The following SETBP1 variants were observed in gnomAD, a reference collection of about 807,000 sequenced individuals.
The protein encoded by SETBP1 is SET binding protein 1, also known as SET-binding protein.
SETBP1 carries 9 observed loss-of-function variants against 101.0 expected under a neutral mutation model. The ratio of observed to expected loss-of-function variants is 0.09; its 90% confidence interval spans 0.05 to 0.16. The LOEUF is 0.16. SETBP1 is among the 10% of genes least tolerant of loss of function. SETBP1 has a pLI of 1.00. For missense variants in SETBP1, 1,858 were observed against 2,033.8 expected (o/e 0.91, Z 1.66); for synonymous variants, 818 against 788.5 (o/e 1.04, Z -0.63).
chr18:44,752,301 G>A (rs28413890), intron 2 of SETBP1, among the ~76,000 whole-genome samples: 30,910 of 152,146 alleles, frequency 0.2, 3,291 homozygotes, highest in Non-Finnish European at 0.24. Context: ...GGTGGTCAGT[G>A]CTGGGATGAG....
chr18:44,723,127 C>T (rs903610017), intron 2 of SETBP1, among the ~76,000 whole-genome samples: 4 of 152,102 alleles, frequency 2.6e-5, no homozygotes, highest in African/African-American at 9.7e-5. Context: ...GAACACTAGG[C>T]ATAACTGGGT....
At chr18:44,817,838 G>A (rs1198045841) in intron 2 of SETBP1, among the ~76,000 whole-genome samples, 2 of 152,170 alleles carry the variant, frequency 1.3e-5, no homozygotes, top group African/African-American at 4.8e-5. Context: ...CACCATGACT[G>A]CACTTTCCAA....
At chr18:44,995,180 T>C (rs958613156) in intron 4 of SETBP1, among the ~76,000 whole-genome samples, 33 of 144,038 alleles carry the variant, frequency 2.3e-4, no homozygotes, top group South Asian at 4.4e-4. Context: ...CTTGCTCTGT[T>C]GCCCAGGCTG....
chr18:44,684,999 C>A (rs1356757281), intron 1 of SETBP1, among the ~76,000 whole-genome samples: 1 of 152,166 alleles, frequency 6.6e-6, no homozygotes, highest in Non-Finnish European at 1.5e-5. Context: ...CAGTTGACTT[C>A]CTACCCTGTT....
intron 2 of SETBP1, among the ~76,000 whole-genome samples, chr18:44,786,993 G>T (rs1478668661): frequency 6.6e-6 from 1 of 152,240 alleles, no homozygotes; most frequent in Non-Finnish European, 1.5e-5. Context: ...GATGCTTTGG[G>T]TATCAAGAAG....
At chr18:44,747,788 G>A (rs911688931) in intron 2 of SETBP1, among the ~76,000 whole-genome samples, 1 of 152,246 alleles carries the variant, frequency 6.6e-6, no homozygotes, top group African/African-American at 2.4e-5. Context: ...GCAGTAGGAT[G>A]TCTCAAAGCC....
intron 2 of SETBP1, among the ~76,000 whole-genome samples, chr18:44,787,861 A>AAAAAAAAAAAAAAAAAG (rs2071275662): frequency 1.4e-5 from 1 of 70,822 alleles, no homozygotes; most frequent in Non-Finnish European, 2.7e-5. Context: ...AGTCCGTCTC[A>AAAAAAAAAAAAAAAAAG]AAAAAAAAAA....
chr18:44,686,807 T>C (rs558671257), intron 1 of SETBP1, among the ~76,000 whole-genome samples: 1 of 152,312 alleles, frequency 6.6e-6, no homozygotes, highest in African/African-American at 2.4e-5. Context: ...TCGGGGGTAA[T>C]CACCCAAAAG....
intron 2 of SETBP1, among the ~76,000 whole-genome samples, chr18:44,866,484 T>C (rs1035482401): frequency 8.5e-5 from 13 of 152,210 alleles, no homozygotes; most frequent in African/African-American, 2.9e-4. Context: ...CTCAACACAT[T>C]GAGATATGCA....
chr18:45,023,376 A>G (rs907388251), intron 4 of SETBP1, among the ~76,000 whole-genome samples: 4 of 152,180 alleles, frequency 2.6e-5, no homozygotes, highest in African/African-American at 9.6e-5. Flanking sequence ...TTGTTCCAGC[A>G]TCTTGTTTCA....
intron 4 of SETBP1, among the ~76,000 whole-genome samples, chr18:45,034,735 T>C (rs1172089651): frequency 6.6e-6 from 1 of 152,266 alleles, no homozygotes; most frequent in Non-Finnish European, 1.5e-5. Flanking sequence ...GTTTGTCTCG[T>C]GTTGGGGTTT....
At chr18:45,038,260 TC>T (rs1459381600) in intron 4 of SETBP1, among the ~76,000 whole-genome samples, 3 of 152,166 alleles carry the variant, frequency 2.0e-5, no homozygotes, top group Non-Finnish European at 4.4e-5. Context: ...CCCCACCACT[TC>T]CAGGCAGCCA....
chr18:44,685,584 C>A (rs1346541989), intron 1 of SETBP1, among the ~76,000 whole-genome samples: 3 of 152,126 alleles, frequency 2.0e-5, no homozygotes, highest in Admixed American at 6.5e-5. Flanking sequence ...AGTCAGTTAA[C>A]CTCTCTGAGC....
chr18:45,015,252 A>C (rs1015267915), intron 4 of SETBP1, among the ~76,000 whole-genome samples: 4 of 152,072 alleles, frequency 2.6e-5, no homozygotes, highest in African/African-American at 9.7e-5. Context: ...TCCACTCTCT[A>C]CTCTAGGGGT....
rs2069112998 is a variant in SETBP1, at chr18:44,701,399, A to G, written c.53A>G (p.Asp18Gly). ...TCCCGGCAAAGAGGGGGCGAGTCAG[A>G]CTTCCTGCCGGTCTCCTCAGCCAAG... ...SSSRQRGGES[D>G]FLPVSSAKPP... Residue 18 changes from aspartate (D) to glycine (G), a missense_variant, in exon 2 of 6, where the codon GAC becomes GGC. By Grantham distance (94) the Asp-to-Gly change is moderately conservative. This residue lies in a region of SETBP1 where 97 missense variants were observed against 101.2 expected (regional missense o/e 0.96). Transcript: ENST00000649279. 6.4e-7 allele frequency: 1 copy of G among 1,565,070 alleles called. No individual in the cohort carries two copies. Among genetic ancestry groups the G allele is most frequent in the South Asian group, 1.2e-5 (1 of 85,614 alleles).
chr18:44,912,467 T>G (rs1207117438), intron 3 of SETBP1, among the ~76,000 whole-genome samples: 1 of 152,188 alleles, frequency 6.6e-6, no homozygotes, highest in Non-Finnish European at 1.5e-5. Flanking sequence ...TCTACATATT[T>G]TAAGGAAACT....
intron 3 of SETBP1, among the ~76,000 whole-genome samples, chr18:44,939,415 G>C (rs1392934552): frequency 6.6e-6 from 1 of 152,134 alleles, no homozygotes; most frequent in African/African-American, 2.4e-5. Flanking sequence ...TATCCATGTG[G>C]TGGGGTGTGT....
chr18:45,038,478 T>C lies in SETBP1; in HGVS notation c.4001-7T>C. The stretch of plus-strand genomic sequence containing the variant: ...TGACTGAAAGCTTTGGGGTTGTTAT[T>C]TTTTAGGGATGCCAAGTCCCCACTT... On this transcript the variant is annotated splice_region_variant and splice_polypyrimidine_tract_variant and intron_variant, in intron 4 of 5. Transcript: ENST00000649279. 6.2e-7 allele frequency: 1 copy of C among 1,614,036 alleles called. No individual in the cohort carries two copies. Among genetic ancestry groups the C allele is most frequent in the Non-Finnish European group, 8.5e-7 (1 of 1,179,948 alleles).
chr18:44,686,581 G>T (rs909744211), intron 1 of SETBP1, among the ~76,000 whole-genome samples: 5 of 152,130 alleles, frequency 3.3e-5, no homozygotes, highest in African/African-American at 7.2e-5. Flanking sequence ...AAGGGGAGAA[G>T]TTTTCCCACA....
Sources: allele counts gnomAD v4.1 joint callset (sites outside exome capture counted in the v4.1 genomes callset), GRCh38; gene constraint gnomAD v4.1.1; regional missense constraint gnomAD v4.1.1; transcripts MANE v1.5; gene names NCBI Gene and HGNC (gene_info 2026-07-23, HGNC 2026-07-21).